The following ALG8 variants were observed in gnomAD, a reference collection of about 807,000 sequenced individuals.
ALG8 encodes ALG8 alpha-1,3-glucosyltransferase, also known as dolichyl pyrophosphate Glc1Man9GlcNAc2 alpha-1,3-glucosyltransferase.
Under a neutral mutation model 70.2 loss-of-function variants are expected in ALG8, and 48 were observed. The observed-to-expected ratio is 0.68, with a 90% CI of 0.54 to 0.87. ALG8 has a LOEUF of 0.87. Ranked by LOEUF, ALG8 falls within the 40% of genes least tolerant of loss-of-function variation. The pLI, the probability that ALG8 is intolerant of heterozygous loss-of-function variation, is 0.00. For synonymous variants in ALG8, 234 were observed against 229.0 expected, an observed-to-expected ratio of 1.02 and a Z score of -0.20; for missense variants, 572 against 608.7, an observed-to-expected ratio of 0.94 and a Z score of 0.64.
chr11:78,123,349 T>G (rs1343546815), intron 3 of ALG8, among the ~76,000 whole-genome samples: 1 of 127,690 alleles, frequency 7.8e-6, no homozygotes, highest in African/African-American at 2.8e-5. Flanking sequence ...AAAAAAAGAA[T>G]TAGGAAAGAA....
In ALG8 at chr11:78,139,604, C is replaced by T. The variant is rs1030338142; in HGVS notation, c.-16G>A. ...GCGCCGCCATTGCTGCGGCACCGCA[C>T]GCTTCCCACCAACTTGATCCACATC... is the stretch of plus-strand genomic sequence containing the variant. On this transcript the variant is annotated 5_prime_UTR_variant, in exon 1 of 13. In the 5' UTR this introduces an upstream ATG that the reference lacks. Transcript: ENST00000299626. 1.3e-6 allele frequency: 2 copies of T among 1,551,586 alleles called. No individual in the cohort carries two copies. The highest frequency in any genetic ancestry group is 1.4e-5 in the African/African-American group (1 of 73,120).
chr11:78,120,972 T>A (rs1275575566), intron 4 of ALG8, 93 bp downstream of exon 4: 7 of 1,213,784 alleles, frequency 5.8e-6, no homozygotes, highest in Non-Finnish European at 8.4e-6. Flanking sequence ...CAGAAGGAGC[T>A]CACATCTCCA....
chr11:78,138,107 A>T (rs1861623042), intron 1 of ALG8, among the ~76,000 whole-genome samples: 1 of 152,172 alleles, frequency 6.6e-6, no homozygotes, highest in African/African-American at 2.4e-5. Flanking sequence ...ACATTATGGG[A>T]GGCCGAGGCA....
chr11:78,120,940 T>C (rs115632527), intron 4 of ALG8, 125 bp downstream of exon 4: 1 of 890,316 alleles, frequency 1.1e-6, no homozygotes, highest in African/African-American at 1.7e-5. Flanking sequence ...GTGAGCCTAC[T>C]AACCCACCCC....
rs530151858 is a variant in ALG8, at chr11:78,102,198, A to G, written c.1350-1003T>C. ...CCTTCAAAATATTTTCGTGACCCCA[A>G]ACAGAAACTCTGGAACCATTAACAA... On this transcript the variant is annotated intron_variant, in intron 12 of 12. Transcript: ENST00000299626. Among the ~76,000 whole-genome samples the G allele has an allele frequency of 4.1e-4, 63 of 152,182 alleles. 2 individuals are homozygous for G. The highest frequency in any genetic ancestry group is 8.4e-4 in the Non-Finnish European group (57 of 68,038).
Position 78,108,391 on chromosome 11 carries a change from C to A in ALG8, c.1038+1051G>T, listed in dbSNP as rs576206764. Among the ~76,000 whole-genome samples, 65 of 152,190 alleles carry A rather than the reference C, an allele frequency of 4.3e-4. 2 individuals carry two copies. Among genetic ancestry groups the A allele is most frequent in the South Asian group, 3.9e-3 (19 of 4,826 alleles). On this transcript the variant is annotated intron_variant, in intron 9 of 12. Transcript: ENST00000299626. Reference sequence around the variant, plus strand: ...GGAGGCTGAGGCAGGAGAATCGCCACTGCACTCCAGCCTGGATGACGGAGT... The same window carrying A: ...GGAGGCTGAGGCAGGAGAATCGCCAATGCACTCCAGCCTGGATGACGGAGT...
chr11:78,104,197 G>A lies in ALG8; in HGVS notation c.1277-145C>T, dbSNP rs1859919190. 4.4e-6 allele frequency: 4 copies of A among 917,846 alleles called. No individual in the cohort carries two copies. In the African/African-American group the frequency reaches 5.0e-5, roughly 12 times the overall value. The allele number at this position is 917,846 out of a possible 1,614,324, so 56.9% of individuals were successfully genotyped here. On this transcript the variant is annotated intron_variant, in intron 11 of 12. Coordinates refer to ENST00000299626, the MANE Select transcript of ALG8 (RefSeq NM_024079.5). Reference sequence around the variant, plus strand: ...ATTTTACATTTTTGTGACATCTAGAGATGCTGAGAATTACAGGAAATTGGA... The same window carrying A: ...ATTTTACATTTTTGTGACATCTAGAAATGCTGAGAATTACAGGAAATTGGA...
chr11:78,139,163 A>T, intron 1 of ALG8: 2 of 396,232 alleles, frequency 5.0e-6, no homozygotes, highest in South Asian at 4.6e-5. Flanking sequence ...CCCGGGAGTT[A>T]GAACGGTACC....
chr11:78,114,778 CA>C, intron 5 of ALG8: 2 of 415,328 alleles, frequency 4.8e-6, no homozygotes, highest in Admixed American at 3.0e-5. Context: ...CCAGCCTGGA[CA>C]AAATAGGGAG....
chr11:78,106,892 A>G lies in ALG8; in HGVS notation c.1093T>C (p.Cys365Arg), dbSNP rs772107842. The change falls in exon 10 of 13, where the codon TGT becomes CGT. Residue 365 changes from cysteine to arginine, a missense_variant. Coordinates refer to ENST00000299626, the MANE Select transcript of ALG8 (RefSeq NM_024079.5). The stretch of plus-strand genomic sequence containing the variant: ...GAGCTCAAGGCACAAAGAGTTAGAC[A>G]TCGGAGAAAGCCTCTGGGCCCTTGG... ...KPQGPRGFLR[C>R]LTLCALSSFM... 1.2e-6 allele frequency: 2 copies of G among 1,614,184 alleles called. No individual in the cohort carries two copies. The highest frequency in any genetic ancestry group is 2.2e-5 in the East Asian group (1 of 44,880).
At chr11:78,112,798 A>G (rs1217109996) in intron 7 of ALG8, 28 bp from the exon 8 acceptor site, 1 of 1,610,762 alleles carries the variant, frequency 6.2e-7, no homozygotes, top group Admixed American at 1.7e-5. Flanking sequence ...GAAACTGATT[A>G]AACAGTCATC....
intron 1 of ALG8, among the ~76,000 whole-genome samples, chr11:78,134,271 G>A (rs906362904): frequency 2.6e-5 from 4 of 151,964 alleles, no homozygotes; most frequent in Non-Finnish European, 5.9e-5. Context: ...CTAAGTGGCT[G>A]GGATCACAGG....
chr11:78,106,221 A>G (rs1860023904), intron 10 of ALG8, among the ~76,000 whole-genome samples: 1 of 152,090 alleles, frequency 6.6e-6, no homozygotes, highest in South Asian at 2.1e-4. Context: ...TTTTTGAGAC[A>G]GAGTCTCCTT....
At chr11:78,134,216 C>T (rs1216559395) in intron 1 of ALG8, among the ~76,000 whole-genome samples, 1 of 151,526 alleles carries the variant, frequency 6.6e-6, no homozygotes, top group African/African-American at 2.4e-5. Flanking sequence ...TGGCTCACTA[C>T]AACCTTCGCC....
In ALG8 at chr11:78,112,698, T is replaced by C. The variant is rs753862090; in HGVS notation, c.850A>G (p.Asn284Asp). Residue 284 changes from asparagine to aspartate, a missense_variant, in exon 8 of 13, where the codon AAC becomes GAC. By Grantham distance (23) the Asn-to-Asp change is conservative. Transcript: ENST00000299626. The part of the protein sequence containing the change: ...RGLCHAYWAP[N>D]FWALYNALDK... Reference sequence around the variant, plus strand: ...AAAGCATTGTACAAAGCCCAGAAGTTTGGAGCCCAATATGCATGACAGAGG... The same window carrying C: ...AAAGCATTGTACAAAGCCCAGAAGTCTGGAGCCCAATATGCATGACAGAGG... 1.9e-6 allele frequency: 3 copies of C among 1,613,978 alleles called. No homozygotes were observed. Among genetic ancestry groups the C allele is most frequent in the Non-Finnish European group, 8.5e-7 (1 of 1,179,980 alleles).
chr11:78,133,393 T>G (rs1360685544), intron 1 of ALG8: 1 of 152,208 alleles, frequency 6.6e-6, no homozygotes, highest in Non-Finnish European at 1.5e-5. Context: ...AACAGAGCAT[T>G]AACTACAATT....
chr11:78,101,415 G>A (rs1486940573), intron 12 of ALG8, among the ~76,000 whole-genome samples: 1 of 152,110 alleles, frequency 6.6e-6, no homozygotes, highest in African/African-American at 2.4e-5. Flanking sequence ...GATCACCTGA[G>A]GTCAGGAGTT....
chr11:78,123,802 T>C (rs968055462), intron 3 of ALG8, among the ~76,000 whole-genome samples: 1 of 152,218 alleles, frequency 6.6e-6, no homozygotes, highest in Non-Finnish European at 1.5e-5. Context: ...TCTCTTGTTC[T>C]ACCTCTGCCT....
At chr11:78,113,150 T>C (rs115034064) in intron 7 of ALG8, among the ~76,000 whole-genome samples, 2,011 of 152,292 alleles carry the variant, frequency 0.013, 50 homozygotes, top group African/African-American at 0.045. Flanking sequence ...AATTAATTAG[T>C]TGATTTCAGG....
Sources: allele counts gnomAD v4.1 joint callset (sites outside exome capture counted in the v4.1 genomes callset), GRCh38; gene constraint gnomAD v4.1.1; transcripts MANE v1.5; gene names NCBI Gene and HGNC (gene_info 2026-07-23, HGNC 2026-07-21).